The following LRP8 variants were observed in gnomAD, a reference collection of about 807,000 sequenced individuals.
The protein encoded by LRP8 is low-density lipoprotein receptor-related protein 8.
Under a neutral mutation model 111.6 loss-of-function variants are expected in LRP8, and 46 were observed. The ratio of observed to expected loss-of-function variants is 0.41; its 90% confidence interval spans 0.33 to 0.53. The LOEUF is 0.53. Ranked by LOEUF, LRP8 falls within the 20% of genes least tolerant of loss-of-function variation. The pLI is 0.20. For missense variants in LRP8, 959 were observed against 1,297.4 expected, an observed-to-expected ratio of 0.74 and a Z score of 4.01; for synonymous variants, 464 against 511.2, an observed-to-expected ratio of 0.91 and a Z score of 1.24.
At chr1:53,286,436 T>C (rs1647562196) in intron 3 of LRP8, among the ~76,000 whole-genome samples, 1 of 152,198 alleles carries the variant, frequency 6.6e-6, no homozygotes, top group South Asian at 2.1e-4. Flanking sequence ...AAAGCCTCCA[T>C]ATTCAAATAA....
At chr1:53,270,622 G>A (rs1482058225) in intron 8 of LRP8, among the ~76,000 whole-genome samples, 1 of 152,188 alleles carries the variant, frequency 6.6e-6, no homozygotes, top group Admixed American at 6.5e-5. Flanking sequence ...CAGAGATTTA[G>A]GACAGAGACA....
Position 53,266,476 on chromosome 1 carries a change from T to G in LRP8, c.1424A>C (p.Tyr475Ser), listed in dbSNP as rs772903314. The stretch of plus-strand genomic sequence containing the variant: ...TGCAGAGGATATGGCCGCTCACCTA[T>G]AGATCTTACGGTAGGAGAGGTCACA... ...YWCDLSYRKI[Y>S]SAYMDKASDP... Residue 475 changes from tyrosine to serine, a missense_variant, in exon 9 of 19, where the codon TAT becomes TCT. Tyr to Ser is a moderately radical substitution (Grantham distance 144, BLOSUM62 -2). This residue lies in a region of LRP8 where 819 missense variants were observed against 1,097.6 expected (regional missense o/e 0.75). Transcript: ENST00000306052. This position sits in a 1 kb window ranked among gnomAD's most constrained non-coding sequence, Gnocchi z 5.0. 6.2e-6 allele frequency: 10 copies of G among 1,614,018 alleles called. No individual in the cohort carries two copies. Among genetic ancestry groups the G allele is most frequent in the Non-Finnish European group, 7.6e-6 (9 of 1,180,014 alleles).
chr1:53,264,035 C>A, intron 10 of LRP8, 134 bp downstream of exon 10: 1 of 840,760 alleles, frequency 1.2e-6, no homozygotes. Flanking sequence ...TGGGGATTAA[C>A]AAGACTTTCT....
At chr1:53,272,774 C>T (rs1646799567) in intron 6 of LRP8, 3 of 703,258 alleles carry the variant, frequency 4.3e-6, no homozygotes, top group Non-Finnish European at 6.5e-6. Flanking sequence ...AGGAATCTTT[C>T]AGTCGCTCGG....
chr1:53,264,306 C>A lies in LRP8; in HGVS notation c.1518G>T (p.Trp506Cys), dbSNP rs1452638580. The change falls in exon 10 of 19, where the codon TGG becomes TGT. Residue 506 changes from tryptophan to cysteine, a missense_variant. By Grantham distance (215) the Trp-to-Cys change is radical. Around this residue, in one of 3 missense-constraint regions of LRP8, gnomAD observed 819 missense variants for 1,097.6 expected, o/e 0.75. Coordinates refer to ENST00000306052, the MANE Select transcript of LRP8 (RefSeq NM_004631.5). ...CAGTCCAGTAGATGTGCTTGTGGAC[C>A]CAGTCCACTGCCAGGCCCTCTGGAG... ...LHSPEGLAVD[W>C]VHKHIYWTDS... The A allele has an allele frequency of 6.2e-7, 1 of 1,614,058 alleles. No individual in the cohort carries two copies. Among genetic ancestry groups the A allele is most frequent in the Admixed American group, 1.7e-5 (1 of 60,020 alleles).
At chr1:53,261,066 C>A (rs923311359) in intron 12 of LRP8, among the ~76,000 whole-genome samples, 2 of 152,164 alleles carry the variant, frequency 1.3e-5, no homozygotes, top group East Asian at 1.9e-4. Flanking sequence ...CAAATCCACA[C>A]GTACAGGTAC....
chr1:53,310,514 C>T (rs1652792865), intron 2 of LRP8, among the ~76,000 whole-genome samples: 1 of 152,210 alleles, frequency 6.6e-6, no homozygotes, highest in East Asian at 1.9e-4. Context: ...CCATATGTGA[C>T]ACCTATGATT....
chr1:53,293,715 G>A lies in LRP8; in HGVS notation c.245-4026C>T, dbSNP rs139267933. On this transcript the variant is annotated intron_variant, in intron 2 of 18. Coordinates refer to ENST00000306052, the MANE Select transcript of LRP8 (RefSeq NM_004631.5). The surrounding 1 kb of genome is among the most constrained non-coding windows in gnomAD (Gnocchi z 4.9). ...AGCAGAATAAACCCAGGCCTGGGAC[G>A]GCTTTTGCTCTGCTAATGGACAGCA... Among the ~76,000 whole-genome samples the A allele has an allele frequency of 8.9e-4, 135 of 152,302 alleles. No homozygotes were observed. Among genetic ancestry groups the A allele is most frequent in the African/African-American group, 2.7e-3 (112 of 41,576 alleles).
chr1:53,254,407 G>A (rs918393005), intron 16 of LRP8, among the ~76,000 whole-genome samples: 2 of 151,692 alleles, frequency 1.3e-5, no homozygotes, highest in African/African-American at 4.8e-5. Context: ...GGCTGACCCA[G>A]CTCAAATATC....
At chr1:53,326,610 G>A (rs1311146284) in intron 2 of LRP8, among the ~76,000 whole-genome samples, 1 of 151,842 alleles carries the variant, frequency 6.6e-6, no homozygotes, top group African/African-American at 2.4e-5. Flanking sequence ...CCCCAGCATG[G>A]TGCGCCTTCC....
intron 4 of LRP8, among the ~76,000 whole-genome samples, 171 bp from the exon 5 acceptor site, chr1:53,277,249 C>T (rs1053662581): frequency 6.6e-6 from 1 of 152,218 alleles, no homozygotes; most frequent in Non-Finnish European, 1.5e-5. Flanking sequence ...GCTTCCAACA[C>T]GGACATGCTA....
rs564968767 is a variant in LRP8 at position 53,276,734 on chromosome 1, C to T, written c.841G>A (p.Gly281Ser). ...ECVHLGWRCD[G>S]DRDCKDKSDE... ...GATTTGTCTTTGCAGTCGCGGTCGC[C>T]GTCGCAGCGCCAGCCCAGGTGCACG... Residue 281 changes from glycine (G) to serine (S), a missense_variant, in exon 5 of 19, where the codon GGC (glycine) becomes AGC (serine). Gly to Ser is a moderately conservative substitution (Grantham distance 56). Transcript: ENST00000306052. The T allele has an allele frequency of 3.3e-6, 5 of 1,516,964 alleles. No individual in the cohort carries two copies. Among genetic ancestry groups the T allele is most frequent in the Admixed American group, 1.9e-5 (1 of 52,040 alleles). 94.0% of individuals were successfully genotyped at this position (1,516,964 alleles called of 1,614,324 possible).
chr1:53,256,066 T>C (rs1035699348), intron 15 of LRP8, among the ~76,000 whole-genome samples: 6 of 152,242 alleles, frequency 3.9e-5, no homozygotes, highest in East Asian at 1.9e-4. Flanking sequence ...CTCACTCTTA[T>C]AACCATCTTC....
intron 3 of LRP8, among the ~76,000 whole-genome samples, chr1:53,281,707 A>C (rs1647116669): frequency 6.6e-6 from 1 of 152,232 alleles, no homozygotes; most frequent in South Asian, 2.1e-4. Context: ...GACCTTGGCC[A>C]ACAATCCTTA....
chr1:53,268,923 T>C (rs1263750625), intron 8 of LRP8, among the ~76,000 whole-genome samples: 1 of 152,232 alleles, frequency 6.6e-6, no homozygotes, highest in Non-Finnish European at 1.5e-5. Flanking sequence ...TTCTGGATTA[T>C]TGCAATGACC....
At chr1:53,314,072 T>C (rs1653461262) in intron 2 of LRP8, among the ~76,000 whole-genome samples, 1 of 151,970 alleles carries the variant, frequency 6.6e-6, no homozygotes. Flanking sequence ...AAGAGAGGGG[T>C]TGTGATGACT....
chr1:53,286,632 A>G (rs905068517), intron 3 of LRP8, among the ~76,000 whole-genome samples: 13 of 152,244 alleles, frequency 8.5e-5, no homozygotes, highest in Non-Finnish European at 1.8e-4. Context: ...GCTACATTTG[A>G]TAGGTACAGA....
At chr1:53,274,682 C>T (rs1313551158) in intron 6 of LRP8, 5 of 456,202 alleles carry the variant, frequency 1.1e-5, no homozygotes, top group South Asian at 3.1e-5. Flanking sequence ...AGCCAGTGGG[C>T]GTAGACAGGC....
In LRP8 at chr1:53,262,045, T is replaced by A; in HGVS notation, c.1914+23A>T. 1 of 1,612,520 alleles carries A rather than the reference T, an allele frequency of 6.2e-7. No individual in the cohort carries two copies. Among genetic ancestry groups the A allele is most frequent in the African/African-American group, 1.3e-5 (1 of 75,012 alleles). The stretch of plus-strand genomic sequence containing the variant: ...TAGGCTTCAGCTTCCTAGTGGGCCC[T>A]TGCCTCTCCTTACAGGACTCACCTC... On this transcript the variant is annotated intron_variant, in intron 12 of 18. Transcript: ENST00000306052. This position sits in a 1 kb window ranked among gnomAD's most constrained non-coding sequence, Gnocchi z 4.8.
Sources: allele counts gnomAD v4.1 joint callset (sites outside exome capture counted in the v4.1 genomes callset), GRCh38; gene constraint gnomAD v4.1.1; regional missense constraint gnomAD v4.1.1; non-coding constraint Gnocchi (gnomAD v3.1); transcripts MANE v1.5; gene names NCBI Gene and HGNC (gene_info 2026-07-23, HGNC 2026-07-21).